Variants in SRGAP3 observed in about 807,000 individuals in gnomAD.
The protein encoded by SRGAP3 is SLIT-ROBO Rho GTPase-activating protein 3.
SRGAP3 carries 39 observed loss-of-function variants against 121.1 expected under a neutral mutation model. The ratio of observed to expected loss-of-function variants is 0.32; its 90% CI spans 0.25 to 0.42. SRGAP3 has a LOEUF of 0.42. SRGAP3 is among the 10% of genes least tolerant of loss of function. SRGAP3 has a pLI of 1.00. For synonymous variants in SRGAP3, 601 were observed against 570.0 expected (o/e 1.05, Z -0.77); for missense variants, 1,213 against 1,470.6 (o/e 0.82, Z 2.86).
intron 3 of SRGAP3, among the ~76,000 whole-genome samples, chr3:9,259,429 T>TTCAG (rs1954206476): frequency 6.6e-6 from 1 of 152,126 alleles, no homozygotes; most frequent in African/African-American, 2.4e-5. Flanking sequence ...CAGATCATAC[T>TTCAG]GAAACACCAG....
At chr3:9,149,213 C>CAAAAA (rs548286364) in intron 1 of SRGAP3, among the ~76,000 whole-genome samples, 8 of 56,492 alleles carry the variant, frequency 1.4e-4, no homozygotes, top group Non-Finnish European at 2.6e-4. Flanking sequence ...GACTCCGTCT[C>CAAAAA]AAAAAAAAAA....
chr3:9,342,689 A>G (rs1955811299), intron 1 of SRGAP3, among the ~76,000 whole-genome samples: 1 of 152,344 alleles, frequency 6.6e-6, no homozygotes, highest in African/African-American at 2.4e-5. Flanking sequence ...CAAGGAATAA[A>G]GTGGCCTTCA....
At chr3:9,148,847 T>G (rs181297700) in intron 1 of SRGAP3, among the ~76,000 whole-genome samples, 267 of 151,824 alleles carry the variant, frequency 1.8e-3, no homozygotes, top group African/African-American at 6.1e-3. Context: ...AACCTGAGAG[T>G]GGGCTGAAGA....
At chr3:9,017,482 T>C (rs1443150319) in intron 14 of SRGAP3, among the ~76,000 whole-genome samples, 1 of 152,200 alleles carries the variant, frequency 6.6e-6, no homozygotes, top group Non-Finnish European at 1.5e-5. Context: ...GGCTTTTGTT[T>C]ATGTTATTGT....
chr3:9,182,048 T>C (rs1432701163), intron 1 of SRGAP3, among the ~76,000 whole-genome samples: 2 of 151,882 alleles, frequency 1.3e-5, no homozygotes, highest in Non-Finnish European at 2.9e-5. Flanking sequence ...TGGTGGCACA[T>C]GCCTCTAGTC....
chr3:9,157,039 G>A (rs1394168074), intron 1 of SRGAP3, among the ~76,000 whole-genome samples: 2 of 152,152 alleles, frequency 1.3e-5, no homozygotes, highest in East Asian at 3.8e-4. Context: ...TCTATTTGTA[G>A]TGGGGTATGT....
At chr3:9,067,966 G>T (rs537975777) in intron 4 of SRGAP3, among the ~76,000 whole-genome samples, 2 of 152,182 alleles carry the variant, frequency 1.3e-5, no homozygotes, top group South Asian at 4.2e-4. Flanking sequence ...AATAAAATAG[G>T]TGTGGCTAAA....
intron 4 of SRGAP3, among the ~76,000 whole-genome samples, chr3:9,064,860 A>ATAAT (rs1222870546): frequency 1.1e-5 from 1 of 91,416 alleles, no homozygotes; most frequent in Non-Finnish European, 2.4e-5. Flanking sequence ...TTAAAAAATA[A>ATAAT]TAATAAATAA....
intron 12 of SRGAP3, among the ~76,000 whole-genome samples, chr3:9,030,451 C>T (rs1944428601): frequency 6.6e-6 from 1 of 152,168 alleles, no homozygotes; most frequent in South Asian, 2.1e-4. Context: ...ACAAGGTGTC[C>T]ATTTGAATAC....
intron 6 of SRGAP3, 130 bp from the exon 7 acceptor site, chr3:9,058,602 G>C: frequency 1.0e-6 from 1 of 981,548 alleles, no homozygotes; most frequent in Non-Finnish European, 1.6e-6. Context: ...AGGCCCCAAG[G>C]CACTTTGGAA....
chr3:9,221,792 C>T (rs1004298558), intron 1 of SRGAP3, among the ~76,000 whole-genome samples: 4 of 152,204 alleles, frequency 2.6e-5, no homozygotes, highest in East Asian at 1.9e-4. Context: ...TGGTGCTCAA[C>T]GTCTATGCAG....
chr3:9,011,155 T>C (rs899688028), intron 17 of SRGAP3, among the ~76,000 whole-genome samples: 2 of 152,016 alleles, frequency 1.3e-5, no homozygotes, highest in African/African-American at 4.8e-5. Context: ...TTGCTTACAT[T>C]GTAGGGAGAG....
At chr3:9,324,306 C>A (rs1180152582) in intron 3 of SRGAP3, among the ~76,000 whole-genome samples, 1 of 151,964 alleles carries the variant, frequency 6.6e-6, no homozygotes, top group Non-Finnish European at 1.5e-5. Context: ...CAATTCCCCC[C>A]TTTTGGTCAT....
intron 1 of SRGAP3, among the ~76,000 whole-genome samples, chr3:9,209,577 T>C (rs1952376793): frequency 6.6e-6 from 1 of 152,252 alleles, no homozygotes; most frequent in Non-Finnish European, 1.5e-5. Flanking sequence ...ATGCTAGCTA[T>C]TGAAATTTCA....
At chr3:9,304,040 C>T (rs1559268345) in intron 3 of SRGAP3, among the ~76,000 whole-genome samples, 1 of 152,174 alleles carries the variant, frequency 6.6e-6, no homozygotes, top group South Asian at 2.1e-4. Flanking sequence ...GAAGGGGAGA[C>T]GTTTCACAAA....
chr3:9,161,785 C>T (rs899314303), intron 1 of SRGAP3, among the ~76,000 whole-genome samples: 1 of 152,200 alleles, frequency 6.6e-6, no homozygotes, highest in African/African-American at 2.4e-5. Flanking sequence ...GCTGGGTCTC[C>T]ATCTGCCCCA....
At chr3:9,289,072 A>AT (rs1461259166) in intron 3 of SRGAP3, among the ~76,000 whole-genome samples, 6 of 151,442 alleles carry the variant, frequency 4.0e-5, no homozygotes, top group African/African-American at 1.2e-4. Flanking sequence ...AATTTTTTGT[A>AT]TTTTTTAGTA....
intron 1 of SRGAP3, among the ~76,000 whole-genome samples, chr3:9,162,116 G>C (rs1410600337): frequency 6.6e-6 from 1 of 152,154 alleles, no homozygotes; most frequent in Non-Finnish European, 1.5e-5. Flanking sequence ...GAGTTGTCAA[G>C]TTCATAGAGA....
intron 2 of SRGAP3, among the ~76,000 whole-genome samples, chr3:9,119,271 C>T (rs1948917552): frequency 6.6e-6 from 1 of 152,220 alleles, no homozygotes; most frequent in Admixed American, 6.5e-5. Flanking sequence ...TGGCTTCTCT[C>T]ATCTGCTCTG....
Sources: gnomAD v4.1 joint callset for allele counts (sites outside exome capture counted in the v4.1 genomes callset) on GRCh38, gnomAD v4.1.1 for gene constraint, MANE v1.5 for transcripts, NCBI Gene and HGNC (gene_info 2026-07-23, HGNC 2026-07-21) for gene names.